The following LMAN2 variants were observed in gnomAD, a reference collection of about 807,000 sequenced individuals.
The protein encoded by LMAN2 is lectin, mannose binding 2, also known as vesicular integral-membrane protein VIP36.
Under a neutral mutation model 39.3 loss-of-function variants are expected in LMAN2, and 22 were observed. The ratio of observed to expected loss-of-function variants is 0.56; its 90% CI spans 0.40 to 0.80. The LOEUF is 0.80. Among genes scored for constraint, LMAN2 ranks in the 30% least tolerant of loss-of-function variants. The pLI is 0.00. For missense variants in LMAN2, 494 were observed against 505.4 expected (o/e 0.98, Z 0.22); for synonymous variants, 207 against 207.8 (o/e 1.00, Z 0.03).
At chr5:177,334,967 TGAG>T (rs915800904) in intron 6 of LMAN2, among the ~76,000 whole-genome samples, 3 of 152,072 alleles carry the variant, frequency 2.0e-5, no homozygotes, top group African/African-American at 7.2e-5. Flanking sequence ...CAGCTGTGCC[TGAG>T]GAGACTGGGG....
At chr5:177,338,187 C>G (rs1313841176) in intron 3 of LMAN2, among the ~76,000 whole-genome samples, 2 of 152,180 alleles carry the variant, frequency 1.3e-5, no homozygotes, top group Admixed American at 6.5e-5. Context: ...CACAGCCACA[C>G]AGTCTTCATG....
chr5:177,337,088 C>T lies in LMAN2; in HGVS notation c.790+48G>A, dbSNP rs750144746. Reference sequence around the variant, plus strand: ...CAACTGCATGGAAAGCTCCCAGTCCCTCAGGGTGAGCTGGGCTGGGAACCA... The same window carrying T: ...CAACTGCATGGAAAGCTCCCAGTCCTTCAGGGTGAGCTGGGCTGGGAACCA... On this transcript the variant is annotated intron_variant, in intron 6 of 7. Coordinates refer to ENST00000303127, the MANE Select transcript of LMAN2 (RefSeq NM_006816.3). The surrounding 1 kb of genome is among the most constrained non-coding windows in gnomAD (Gnocchi z 8.2). 1 of 1,428,196 alleles carries T rather than the reference C, an allele frequency of 7.0e-7. No individual in the cohort carries two copies. The allele number at this position is 1,428,196 out of a possible 1,614,324, so 88.5% of individuals were successfully genotyped here.
At position 177,331,877 on chromosome 5, in the gene LMAN2, G is replaced by T; in HGVS notation, c.*209C>A. 1 of 533,854 alleles carries T rather than the reference G, an allele frequency of 1.9e-6. No individual in the cohort carries two copies. Among genetic ancestry groups the T allele is most frequent in the Non-Finnish European group, 3.2e-6 (1 of 308,826 alleles). The allele number at this position is 533,854 out of a possible 1,614,324, so 33.1% of individuals were successfully genotyped here. On this transcript the variant is annotated 3_prime_UTR_variant, in exon 8 of 8. Coordinates refer to ENST00000303127, the MANE Select transcript of LMAN2 (RefSeq NM_006816.3). ...AGACACCAGCCCCAGGAGAGCCTCC[G>T]TCTCCAGCTGTGGGGGGTGCCAGAC...
rs186369225 is a variant in LMAN2, at chr5:177,346,732, A to G, written c.315+4441T>C. 4.2e-3 allele frequency among the ~76,000 whole-genome samples: 629 copies of G among 151,316 alleles called. 3 individuals are homozygous for G. Among genetic ancestry groups the G allele is most frequent in the African/African-American group, 0.014 (596 of 41,164 alleles). ...GCCTGGGCTGGTTTTGAACTCCTTG[A>G]CTCAAGCAATCCTCCTGCCTCAGCC... On this transcript the variant is annotated intron_variant, in intron 2 of 7. Transcript: ENST00000303127.
chr5:177,340,274 G>A (rs1267300284), intron 2 of LMAN2, among the ~76,000 whole-genome samples: 3 of 151,958 alleles, frequency 2.0e-5, no homozygotes, highest in African/African-American at 4.8e-5. Context: ...TTTTTTCCCC[G>A]TGGTACAGCC....
intron 6 of LMAN2, among the ~76,000 whole-genome samples, chr5:177,334,750 G>T (rs1761444377): frequency 6.6e-6 from 1 of 152,190 alleles, no homozygotes; most frequent in Non-Finnish European, 1.5e-5. Flanking sequence ...CATGAGAAGG[G>T]TCTACACCAC....
chr5:177,351,604 C>CTGGGA lies in LMAN2; in HGVS notation c.43_44insTCCCA (p.Arg15LeufsTer30), dbSNP rs1761727249. ...GAGAAGCCCAGGCCTTCCCAGGCAC[C>CTGGGA]GCCGGCCCCAGCCCCAACGCCAAAT... On this transcript the variant is annotated frameshift_variant, in exon 1 of 8. Transcript: ENST00000303127. LOFTEE classifies it high-confidence loss of function. 1.2e-6 allele frequency: 2 copies of CTGGGA among 1,609,430 alleles called. No homozygotes were observed. The highest frequency in any genetic ancestry group is 1.7e-6 in the Non-Finnish European group (2 of 1,178,564).
At chr5:177,340,957 G>A (rs1216939402) in intron 2 of LMAN2, among the ~76,000 whole-genome samples, 1 of 151,342 alleles carries the variant, frequency 6.6e-6, no homozygotes, top group African/African-American at 2.4e-5. Flanking sequence ...GGGTTTCACC[G>A]TGTTAGCCAG....
intron 6 of LMAN2, among the ~76,000 whole-genome samples, chr5:177,335,154 AG>A: frequency 6.6e-6 from 1 of 152,318 alleles, no homozygotes; most frequent in African/African-American, 2.4e-5. Context: ...TCTGGAGCCA[AG>A]GGGGGACCTA....
chr5:177,348,883 CAAAAAAAAAA>C (rs11314255), intron 2 of LMAN2, among the ~76,000 whole-genome samples: 2 of 83,314 alleles, frequency 2.4e-5, no homozygotes, highest in African/African-American at 8.5e-5. Context: ...GACTCCGTCT[CAAAAAAAAAA>C]AAAAAAAAAG....
intron 7 of LMAN2, among the ~76,000 whole-genome samples, chr5:177,333,332 T>A (rs1761418457): frequency 6.6e-6 from 1 of 152,162 alleles, no homozygotes; most frequent in South Asian, 2.1e-4. Context: ...AAGGAACAAA[T>A]GGATTGAATC....
At chr5:177,342,898 CAGAAT>C (rs1160352016) in intron 2 of LMAN2, among the ~76,000 whole-genome samples, 4 of 151,660 alleles carry the variant, frequency 2.6e-5, no homozygotes, top group Admixed American at 2.6e-4. Context: ...AGACAACCCA[CAGAAT>C]AGGAGAAAAT....
intron 2 of LMAN2, among the ~76,000 whole-genome samples, chr5:177,341,638 T>G (rs1761556112): frequency 6.6e-6 from 1 of 152,252 alleles, no homozygotes; most frequent in South Asian, 2.1e-4. Context: ...ACTCACACTT[T>G]CATTCTTCAG....
chr5:177,347,983 C>T (rs997680457), intron 2 of LMAN2, among the ~76,000 whole-genome samples: 3 of 152,128 alleles, frequency 2.0e-5, no homozygotes, highest in Admixed American at 6.5e-5. Context: ...AAAAATAACC[C>T]CATCTCCAAC....
Position 177,337,375 on chromosome 5 carries a change from C to G in LMAN2, c.663G>C (p.Arg221=). ...HDTFLAVRYS[R]GRLTVMTDLE... ...CTAGCCTGCTCACCGTCAGACGGCC[C>G]CGGGAGTAGCGCACAGCCAGGAAGG... The change falls in exon 5 of 8, where the codon CGG becomes CGC. Residue 221 remains arginine, a synonymous_variant. Transcript: ENST00000303127. The surrounding 1 kb of genome is among the most constrained non-coding windows in gnomAD (Gnocchi z 8.2). 10 of 1,611,466 alleles carry G rather than the reference C, an allele frequency of 6.2e-6. No individual in the cohort carries two copies. Among genetic ancestry groups the G allele is most frequent in the African/African-American group, 1.3e-5 (1 of 75,054 alleles).
intron 2 of LMAN2, among the ~76,000 whole-genome samples, chr5:177,348,815 C>T (rs141029321): frequency 0.025 from 3,553 of 141,482 alleles, 61 homozygotes; most frequent in Non-Finnish European, 0.039. Context: ...ACCAGGAAGG[C>T]GGAAGTTGCA....
chr5:177,345,768 T>C (rs1353358826), intron 2 of LMAN2, among the ~76,000 whole-genome samples: 2 of 150,846 alleles, frequency 1.3e-5, no homozygotes, highest in African/African-American at 4.9e-5. Flanking sequence ...TTTATTTATT[T>C]ATTTATTTAT....
rs1419916644 is a variant in LMAN2 at position 177,332,470 on chromosome 5, C to T, written c.911-224G>A. 6.6e-6 allele frequency among the ~76,000 whole-genome samples: 1 copy of T among 152,166 alleles called. No homozygotes were observed. The highest frequency in any genetic ancestry group is 1.5e-5 in the Non-Finnish European group (1 of 68,010). ...AGAGAGAGGACCAAGCCCACAGGGA[C>T]CCGGGACCCCAGCGACAAGCCTGGG... is the stretch of plus-strand genomic sequence containing the variant. On this transcript the variant is annotated intron_variant, in intron 7 of 7. Coordinates refer to ENST00000303127, the MANE Select transcript of LMAN2 (RefSeq NM_006816.3). This position sits in a 1 kb window ranked among gnomAD's most constrained non-coding sequence, Gnocchi z 6.3.
In LMAN2 at chr5:177,338,904, A is replaced by C. The variant is rs145833187; in HGVS notation, c.316-299T>G. ...TCCTGAGTAGGTTTAGGTGGCTGCC[A>C]CACTGTTCACCCTCATTACCAGCCA... On this transcript the variant is annotated intron_variant, in intron 2 of 7. Transcript: ENST00000303127. 6.1e-3 allele frequency among the ~76,000 whole-genome samples: 929 copies of C among 152,332 alleles called. 8 individuals carry two copies. Among genetic ancestry groups the C allele is most frequent in the African/African-American group, 0.022 (896 of 41,558 alleles).
Sources: gnomAD v4.1 joint callset for allele counts (sites outside exome capture counted in the v4.1 genomes callset) on GRCh38, gnomAD v4.1.1 for gene constraint, Gnocchi (gnomAD v3.1) non-coding constraint, MANE v1.5 for transcripts, NCBI Gene and HGNC (gene_info 2026-07-23, HGNC 2026-07-21) for gene names.